CNTNAP2: variants seen among roughly 807,000 people sequenced by gnomAD.
The protein encoded by CNTNAP2 is contactin associated protein 2, also known as contactin-associated protein-like 2.
Under a neutral mutation model 155.2 loss-of-function variants are expected in CNTNAP2, and 98 were observed. That is an observed-to-expected ratio of 0.63 (90% CI 0.54 to 0.75). CNTNAP2 has a LOEUF of 0.75. Among genes scored for constraint, CNTNAP2 ranks in the 30% least tolerant of loss-of-function variants. CNTNAP2 has a pLI of 0.00. For missense variants in CNTNAP2, 1,727 were observed against 1,688.1 expected, an observed-to-expected ratio of 1.02 and a Z score of -0.40; for synonymous variants, 651 against 631.2, an observed-to-expected ratio of 1.03 and a Z score of -0.47.
rs1384681087 is a variant in CNTNAP2 at position 147,601,659 on chromosome 7, A to G, written c.1898-37447A>G. On this transcript the variant is annotated intron_variant, in intron 12 of 23. Transcript: ENST00000361727. ...CTTAAAAAAAAATATATATATATAT[A>G]TATATATATATATATACACACCATC... Among the ~76,000 whole-genome samples, 7 of 143,070 alleles carry G rather than the reference A, an allele frequency of 4.9e-5. 1 individual carries two copies. The highest frequency in any genetic ancestry group is 1.5e-4 in the African/African-American group (6 of 39,336). The allele number at this position is 143,070 out of a possible 152,430, so 93.9% of individuals were successfully genotyped here. A position where few individuals can be genotyped will look rare whatever the true frequency, so the allele number is the denominator to read the frequency against.
chr7:146,820,605 G>A (rs908260147), intron 2 of CNTNAP2, among the ~76,000 whole-genome samples: 14 of 151,984 alleles, frequency 9.2e-5, no homozygotes, highest in Non-Finnish European at 1.6e-4. Context: ...CAATTTTGGA[G>A]TAGGTGTGGT....
chr7:146,239,772 C>T (rs1233698232), intron 1 of CNTNAP2, among the ~76,000 whole-genome samples: 1 of 152,166 alleles, frequency 6.6e-6, no homozygotes, highest in Non-Finnish European at 1.5e-5. Flanking sequence ...TTGTAAATAT[C>T]ACATATCAGG....
chr7:147,165,056 A>G (rs572440810), intron 8 of CNTNAP2, among the ~76,000 whole-genome samples: 1 of 152,380 alleles, frequency 6.6e-6, no homozygotes, highest in East Asian at 1.9e-4. Context: ...TCTACATATT[A>G]TTTGAAAGCT....
chr7:147,524,520 C>T (rs1260826461), intron 11 of CNTNAP2, among the ~76,000 whole-genome samples: 2 of 152,216 alleles, frequency 1.3e-5, no homozygotes, highest in East Asian at 1.9e-4. Flanking sequence ...AGACACAACT[C>T]ATCAGCTGGA....
chr7:147,048,404 C>T (rs966005549), intron 4 of CNTNAP2, among the ~76,000 whole-genome samples: 1 of 152,070 alleles, frequency 6.6e-6, no homozygotes, highest in African/African-American at 2.4e-5. Context: ...GCCAACACAT[C>T]GATTTCACTC....
intron 12 of CNTNAP2, among the ~76,000 whole-genome samples, chr7:147,624,481 A>T (rs1794932881): frequency 6.6e-6 from 1 of 152,192 alleles, no homozygotes; most frequent in Admixed American, 6.5e-5. Context: ...AAGAAGACAT[A>T]CAAATGGCAA....
chr7:147,418,141 T>C (rs551483281), intron 10 of CNTNAP2, among the ~76,000 whole-genome samples: 7 of 152,206 alleles, frequency 4.6e-5, no homozygotes, highest in Admixed American at 6.5e-5. Flanking sequence ...ACTTACTTAT[T>C]TTCTAAGTGA....
chr7:147,261,415 A>T (rs1474441917), intron 8 of CNTNAP2, among the ~76,000 whole-genome samples: 1 of 152,180 alleles, frequency 6.6e-6, no homozygotes, highest in Non-Finnish European at 1.5e-5. Context: ...CAGAAGGTCT[A>T]AGATAGTTCT....
chr7:147,666,728 T>C (rs754356967), intron 13 of CNTNAP2, among the ~76,000 whole-genome samples: 7 of 152,226 alleles, frequency 4.6e-5, no homozygotes, highest in Non-Finnish European at 7.3e-5. Flanking sequence ...TCAAAATTCA[T>C]GGCTAATGTG....
Position 147,368,925 on chromosome 7 carries a change from T to C in CNTNAP2, c.1499-26684T>C, listed in dbSNP as rs999523400. 8.5e-5 allele frequency among the ~76,000 whole-genome samples: 13 copies of C among 152,168 alleles called. No homozygotes were observed. The South Asian group carries it at 1.0e-3, about 12-fold the overall frequency. ...TTTCCTTGGGGACCCACAGTAGAGA[T>C]ACAGTTATTGAAATGTAAATCAATA... On this transcript the variant is annotated intron_variant, in intron 9 of 23. Transcript: ENST00000361727.
intron 13 of CNTNAP2, among the ~76,000 whole-genome samples, chr7:147,670,209 G>C (rs1449835841): frequency 1.3e-5 from 2 of 152,014 alleles, no homozygotes; most frequent in South Asian, 4.1e-4. Flanking sequence ...AAATTTCCGG[G>C]TTCTTGAGTC....
At chr7:147,993,945 C>A (rs751413008) in intron 15 of CNTNAP2, among the ~76,000 whole-genome samples, 1 of 152,074 alleles carries the variant, frequency 6.6e-6, no homozygotes, top group African/African-American at 2.4e-5. Flanking sequence ...CACTTACTTT[C>A]GGAATAAAGT....
chr7:147,137,688 A>G (rs761868608), intron 8 of CNTNAP2, among the ~76,000 whole-genome samples: 1 of 151,934 alleles, frequency 6.6e-6, no homozygotes, highest in African/African-American at 2.4e-5. Flanking sequence ...TTACATACAA[A>G]TGGAGCATTT....
intron 1 of CNTNAP2, among the ~76,000 whole-genome samples, chr7:146,688,959 T>G (rs535628022): frequency 6.6e-6 from 1 of 152,242 alleles, no homozygotes; most frequent in South Asian, 2.1e-4. Flanking sequence ...TATGAAAACT[T>G]TCTATGTTCA....
chr7:146,645,342 G>T (rs1309919968), intron 1 of CNTNAP2, among the ~76,000 whole-genome samples: 3 of 152,174 alleles, frequency 2.0e-5, no homozygotes, highest in Non-Finnish European at 4.4e-5. Context: ...TTGCATGGGG[G>T]CTGGAGGGAA....
intron 21 of CNTNAP2, among the ~76,000 whole-genome samples, chr7:148,307,938 A>G (rs1174367079): frequency 6.6e-6 from 1 of 152,158 alleles, no homozygotes; most frequent in Non-Finnish European, 1.5e-5. Context: ...ACACCACTGC[A>G]CTCTAACCTG....
intron 14 of CNTNAP2, among the ~76,000 whole-genome samples, chr7:147,938,334 A>C (rs1800652600): frequency 6.6e-6 from 1 of 152,198 alleles, no homozygotes; most frequent in South Asian, 2.1e-4. Context: ...TAAAGCACAC[A>C]ATACTAGGAC....
Position 147,603,932 on chromosome 7 carries a change from T to C in CNTNAP2, c.1898-35174T>C, listed in dbSNP as rs971692720. Among the ~76,000 whole-genome samples the C allele has an allele frequency of 5.3e-5, 8 of 151,382 alleles. No individual in the cohort carries two copies. In the South Asian group the frequency reaches 1.7e-3, roughly 31 times the overall value. ...AAATAACGCCGCATATCTACAACTATCTGATCTTTGACAAACCTGAGAAAA... is the reference window on the plus strand; with the variant it reads ...AAATAACGCCGCATATCTACAACTACCTGATCTTTGACAAACCTGAGAAAA... On this transcript the variant is annotated intron_variant, in intron 12 of 23. Coordinates refer to ENST00000361727, the MANE Select transcript of CNTNAP2 (RefSeq NM_014141.6).
intron 21 of CNTNAP2, among the ~76,000 whole-genome samples, chr7:148,283,269 A>G (rs1311464717): frequency 1.0e-5 from 1 of 97,192 alleles, no homozygotes; most frequent in Non-Finnish European, 2.1e-5. Context: ...GAAAGAAAGA[A>G]AGAAAGAAAG....
Sources: gnomAD v4.1 joint callset for allele counts (sites outside exome capture counted in the v4.1 genomes callset) on GRCh38, gnomAD v4.1.1 for gene constraint, MANE v1.5 for transcripts, NCBI Gene and HGNC (gene_info 2026-07-23, HGNC 2026-07-21) for gene names.